Variants in PDE4D observed in about 807,000 individuals in gnomAD.
The protein encoded by PDE4D is 3',5'-cyclic-AMP phosphodiesterase 4D.
In PDE4D, 24 loss-of-function variants were observed where a neutral mutation model predicts 87.4. The observed-to-expected ratio is 0.27, with a 90% CI of 0.20 to 0.39. The LOEUF (loss-of-function observed/expected upper bound fraction) is 0.39. Among genes scored for constraint, PDE4D ranks in the 10% least tolerant of loss-of-function variants. The pLI is 1.00. For missense variants in PDE4D, 714 were observed against 1,041.0 expected (o/e 0.69, Z 4.32); for synonymous variants, 384 against 383.2 (o/e 1.00, Z -0.02).
intron 1 of PDE4D, among the ~76,000 whole-genome samples, chr5:59,597,113 C>A (rs1172926440): frequency 6.6e-6 from 1 of 152,156 alleles, no homozygotes; most frequent in Non-Finnish European, 1.5e-5. Context: ...TATGTTCCCC[C>A]TTTTCTACAG....
chr5:60,343,645 C>T (rs1219421502), intron 1 of PDE4D, among the ~76,000 whole-genome samples: 3 of 152,020 alleles, frequency 2.0e-5, no homozygotes, highest in Non-Finnish European at 4.4e-5. Flanking sequence ...TGACTTCTGG[C>T]TGTGTTTGGC....
intron 1 of PDE4D, among the ~76,000 whole-genome samples, chr5:59,285,581 C>A (rs924317736): frequency 6.6e-6 from 1 of 152,054 alleles, no homozygotes; most frequent in Non-Finnish European, 1.5e-5. Flanking sequence ...TGGAAGAAGT[C>A]TTATGCAGGC....
At chr5:60,481,751 T>A (rs1051890136) in intron 1 of PDE4D, among the ~76,000 whole-genome samples, 1 of 152,322 alleles carries the variant, frequency 6.6e-6, no homozygotes, top group Non-Finnish European at 1.5e-5. Flanking sequence ...ATCCCAGGAC[T>A]ACTTTTTCAC....
In PDE4D at chr5:60,264,914, A is replaced by G. The variant is rs1318408669; in HGVS notation, c.-89-79227T>C. ...ATTCACTCATTCATTTATCCAACAG[A>G]TATTTATCAAGTGCCAGGGAACACT... is the stretch of plus-strand genomic sequence containing the variant. On this transcript the variant is annotated intron_variant, in intron 1 of 16. Transcript: ENST00000502484. Among the ~76,000 whole-genome samples the G allele has an allele frequency of 2.0e-5, 3 of 152,204 alleles. No homozygotes were observed. The East Asian group carries it at 5.8e-4, about 29-fold the overall frequency.
chr5:59,340,255 T>C (rs185556757), intron 1 of PDE4D, among the ~76,000 whole-genome samples: 1 of 152,320 alleles, frequency 6.6e-6, no homozygotes, highest in East Asian at 1.9e-4. Flanking sequence ...TTTTGCGTAG[T>C]GTCTACTGTC....
At chr5:59,886,172 GA>G (rs1279943370) in intron 1 of PDE4D, among the ~76,000 whole-genome samples, 4 of 152,138 alleles carry the variant, frequency 2.6e-5, no homozygotes, top group Non-Finnish European at 5.9e-5. Context: ...CCTAATGGGG[GA>G]AACACATAAA....
chr5:59,742,340 A>C (rs1758976640), intron 1 of PDE4D, among the ~76,000 whole-genome samples: 1 of 152,212 alleles, frequency 6.6e-6, no homozygotes, highest in African/African-American at 2.4e-5. Flanking sequence ...CTGGGATTAC[A>C]GGCGTGAGCC....
intron 2 of PDE4D, among the ~76,000 whole-genome samples, chr5:60,142,220 G>A (rs911146918): frequency 4.9e-5 from 7 of 143,910 alleles, no homozygotes; most frequent in Non-Finnish European, 7.6e-5. Flanking sequence ...ATGGGAGGGA[G>A]AGAGGGAGGG....
At chr5:59,690,820 T>A (rs1293870799) in intron 1 of PDE4D, among the ~76,000 whole-genome samples, 9 of 152,174 alleles carry the variant, frequency 5.9e-5, no homozygotes, top group Non-Finnish European at 1.0e-4. Context: ...AATCTACCCA[T>A]CTGAGAAAGA....
chr5:59,872,747 G>A (rs1274249540), intron 1 of PDE4D, among the ~76,000 whole-genome samples: 1 of 152,152 alleles, frequency 6.6e-6, no homozygotes, highest in Non-Finnish European at 1.5e-5. Flanking sequence ...CTACCTAGAA[G>A]CTAGAGAACA....
chr5:59,549,999 A>G (rs1488926854), intron 1 of PDE4D, among the ~76,000 whole-genome samples: 1 of 151,852 alleles, frequency 6.6e-6, no homozygotes, highest in East Asian at 1.9e-4. Context: ...ACGAAGTGTC[A>G]CAGAGGTCTC....
intron 1 of PDE4D, among the ~76,000 whole-genome samples, chr5:59,257,931 T>C (rs1005673259): frequency 2.0e-5 from 3 of 151,936 alleles, no homozygotes; most frequent in Admixed American, 6.6e-5. Flanking sequence ...TCAGGTCAGA[T>C]ATGTACAGAA....
chr5:59,224,246 C>T (rs1423886942), intron 1 of PDE4D, among the ~76,000 whole-genome samples: 7 of 151,080 alleles, frequency 4.6e-5, no homozygotes, highest in South Asian at 2.1e-4. Flanking sequence ...CATGCCACTG[C>T]GCTCCAGTCT....
chr5:59,570,273 T>A (rs149725891), intron 1 of PDE4D, among the ~76,000 whole-genome samples: 2 of 152,208 alleles, frequency 1.3e-5, no homozygotes, highest in Non-Finnish European at 2.9e-5. Flanking sequence ...TTAATCTCAG[T>A]ATTTAATCTC....
rs144255663 is a variant in PDE4D, at chr5:59,000,722, G to A, written c.922-7257C>T. On this transcript the variant is annotated intron_variant, in intron 6 of 14. Coordinates refer to ENST00000340635, the MANE Select transcript of PDE4D (RefSeq NM_001104631.2). ...TTTATTTATTTAGAGACAGAGTCTCGCTGTCGCCCAGGCTAGAGTGCAGTA... is the reference window on the plus strand; with the variant it reads ...TTTATTTATTTAGAGACAGAGTCTCACTGTCGCCCAGGCTAGAGTGCAGTA... 2.6e-3 allele frequency among the ~76,000 whole-genome samples: 392 copies of A among 152,152 alleles called. 6 individuals carry two copies. In the East Asian group the frequency reaches 0.048, roughly 18 times the overall value.
At chr5:59,068,180 G>A (rs1764212471) in intron 5 of PDE4D, among the ~76,000 whole-genome samples, 1 of 152,146 alleles carries the variant, frequency 6.6e-6, no homozygotes, top group Admixed American at 6.6e-5. Flanking sequence ...TTGTTCATAA[G>A]TAAAGCTTGT....
intron 6 of PDE4D, among the ~76,000 whole-genome samples, chr5:59,005,990 A>G (rs1751526029): frequency 6.6e-6 from 1 of 152,236 alleles, no homozygotes; most frequent in African/African-American, 2.4e-5. Context: ...ATCTCTGGAC[A>G]GGGTGAGGAA....
chr5:59,092,743 A>G (rs1368588424), intron 5 of PDE4D, among the ~76,000 whole-genome samples: 2 of 152,202 alleles, frequency 1.3e-5, no homozygotes, highest in East Asian at 3.8e-4. Flanking sequence ...GTGTTCTTAC[A>G]AAAACACAAA....
chr5:60,215,204 A>G (rs1743716504), intron 1 of PDE4D, among the ~76,000 whole-genome samples: 1 of 152,176 alleles, frequency 6.6e-6, no homozygotes, highest in African/African-American at 2.4e-5. Flanking sequence ...CCAATTGGAA[A>G]TACTACTTAA....
Sources: allele counts gnomAD v4.1 joint callset (sites outside exome capture counted in the v4.1 genomes callset), GRCh38; gene constraint gnomAD v4.1.1; transcripts MANE v1.5; gene names NCBI Gene and HGNC (gene_info 2026-07-23, HGNC 2026-07-21).